Variants in AGMO observed in about 807,000 individuals in gnomAD.
AGMO encodes the protein alkylglycerol monooxygenase.
In AGMO, 75 loss-of-function variants were observed where a neutral mutation model predicts 60.2. That is an observed-to-expected ratio of 1.25 (90% CI 1.03 to 1.51). The LOEUF (loss-of-function observed/expected upper bound fraction) is 1.51. Ranked by LOEUF, AGMO falls within the 40% of genes most tolerant of loss-of-function variation. AGMO has a pLI of 0.00. For synonymous variants in AGMO, 261 were observed against 177.1 expected, an observed-to-expected ratio of 1.47 and a Z score of -3.76; for missense variants, 763 against 525.5, an observed-to-expected ratio of 1.45 and a Z score of -4.42.
At chr7:15,262,737 T>C (rs1336201732) in intron 12 of AGMO, among the ~76,000 whole-genome samples, 1 of 151,358 alleles carries the variant, frequency 6.6e-6, no homozygotes, top group Admixed American at 6.6e-5. Context: ...AATGGGCACA[T>C]ATATCAATGG....
chr7:15,462,125 A>G (rs184176188), intron 3 of AGMO, among the ~76,000 whole-genome samples: 1 of 152,234 alleles, frequency 6.6e-6, no homozygotes, highest in East Asian at 1.9e-4. Flanking sequence ...GGTCCATTTT[A>G]TCACCTACAT....
At chr7:15,558,700 T>C (rs1033953356) in intron 2 of AGMO, among the ~76,000 whole-genome samples, 2 of 152,140 alleles carry the variant, frequency 1.3e-5, no homozygotes, top group Non-Finnish European at 2.9e-5. Flanking sequence ...ATATTACTTC[T>C]ACTATATACC....
chr7:15,346,669 T>C (rs1450875909), intron 12 of AGMO, among the ~76,000 whole-genome samples: 1 of 151,790 alleles, frequency 6.6e-6, no homozygotes, highest in Admixed American at 6.6e-5. Flanking sequence ...CCAACCATTT[T>C]ATTTTAATCA....
At chr7:15,137,108 G>A in the AGMO span, among the ~76,000 whole-genome samples, 1 of 152,310 alleles carries the variant, frequency 6.6e-6, no homozygotes, top group Non-Finnish European at 1.5e-5. Context: ...GGTTATAGAA[G>A]CCTAGGTTCA....
intron 4 of AGMO, among the ~76,000 whole-genome samples, chr7:15,429,214 A>G (rs192347518): frequency 6.6e-6 from 1 of 152,084 alleles, no homozygotes; most frequent in Admixed American, 6.6e-5. Flanking sequence ...CCAAATTCAC[A>G]TGTTGAAATC....
chr7:15,201,266 A>C lies in AGMO; in HGVS notation c.*19T>G. On this transcript the variant is annotated 3_prime_UTR_variant, in exon 13 of 13. Transcript: ENST00000342526. ...TGTGGACAACTCATTAAAAGAAGAGAATTATGTACAAATTCAGGTTATTTC... is the reference window on the plus strand; with the variant it reads ...TGTGGACAACTCATTAAAAGAAGAGCATTATGTACAAATTCAGGTTATTTC... 6.3e-7 allele frequency: 1 copy of C among 1,577,106 alleles called. No individual in the cohort carries two copies.
intron 10 of AGMO, among the ~76,000 whole-genome samples, chr7:15,372,280 G>A (rs914938709): frequency 1.3e-4 from 20 of 151,726 alleles, no homozygotes; most frequent in East Asian, 3.9e-4. Flanking sequence ...GTGAAATCCC[G>A]TCTCTACTAA....
At chr7:15,358,006 G>T (rs578156735) in intron 12 of AGMO, among the ~76,000 whole-genome samples, 2 of 152,190 alleles carry the variant, frequency 1.3e-5, no homozygotes, top group Non-Finnish European at 2.9e-5. Flanking sequence ...AAGAACCCAT[G>T]AAAGTATGAA....
the AGMO span, among the ~76,000 whole-genome samples, chr7:15,176,953 A>C: frequency 6.6e-6 from 1 of 152,050 alleles, no homozygotes. Flanking sequence ...ACCACTGCTT[A>C]ATCACATGAC....
chr7:15,481,730 GC>G (rs1454881965), intron 3 of AGMO, among the ~76,000 whole-genome samples: 4 of 149,796 alleles, frequency 2.7e-5, no homozygotes, highest in African/African-American at 7.4e-5. Flanking sequence ...TTCAGGATCC[GC>G]CCATACAATT....
At chr7:15,389,725 A>T (rs1157121939) in intron 8 of AGMO, among the ~76,000 whole-genome samples, 1 of 152,190 alleles carries the variant, frequency 6.6e-6, no homozygotes, top group African/African-American at 2.4e-5. Context: ...ACTTTGGGTC[A>T]ATTATTTAAA....
At position 15,513,872 on chromosome 7, in the gene AGMO, C is replaced by T. The variant is rs34354438; in HGVS notation, c.409+30900G>A. 2.5e-3 allele frequency among the ~76,000 whole-genome samples: 388 copies of T among 152,276 alleles called. 5 individuals carry two copies. The highest frequency in any genetic ancestry group is 9.0e-3 in the African/African-American group (374 of 41,556). ...TTCTTCACTCTCTTTCAGGACTTCA[C>T]GCCACCACCCTTCTGTGATATTTTT... is the stretch of plus-strand genomic sequence containing the variant. On this transcript the variant is annotated intron_variant, in intron 3 of 12. Coordinates refer to ENST00000342526, the MANE Select transcript of AGMO (RefSeq NM_001004320.2).
intron 3 of AGMO, among the ~76,000 whole-genome samples, chr7:15,533,153 A>G (rs1784410003): frequency 6.6e-6 from 1 of 152,140 alleles, no homozygotes. Flanking sequence ...ATGTCTTTAG[A>G]GTCACTAAAA....
intron 3 of AGMO, among the ~76,000 whole-genome samples, chr7:15,521,986 C>G (rs1414608145): frequency 6.6e-6 from 1 of 152,130 alleles, no homozygotes; most frequent in African/African-American, 2.4e-5. Flanking sequence ...AGCTGATAAG[C>G]AAACTCAGCA....
intron 3 of AGMO, among the ~76,000 whole-genome samples, chr7:15,523,410 T>A (rs578195570): frequency 4.0e-4 from 61 of 152,234 alleles, no homozygotes; most frequent in Middle Eastern, 3.4e-3. Context: ...CTATTTACAA[T>A]AGCAAAGACT....
chr7:15,239,750 T>A (rs1412021229), intron 12 of AGMO, among the ~76,000 whole-genome samples: 1 of 152,128 alleles, frequency 6.6e-6, no homozygotes, highest in African/African-American at 2.4e-5. Context: ...AGGTGTTTCT[T>A]ATTATGTACA....
At chr7:15,381,158 C>G (rs1434516265) in intron 10 of AGMO, among the ~76,000 whole-genome samples, 1 of 152,014 alleles carries the variant, frequency 6.6e-6, no homozygotes, top group African/African-American at 2.4e-5. Flanking sequence ...ACAATTGCAA[C>G]AAAACCAAAA....
intron 3 of AGMO, among the ~76,000 whole-genome samples, chr7:15,512,359 C>T (rs923571252): frequency 2.6e-5 from 4 of 152,122 alleles, no homozygotes; most frequent in African/African-American, 9.7e-5. Flanking sequence ...CTCAAGTGAT[C>T]CTCCTGCCTC....
chr7:15,150,233 GTCATATCA>G, the AGMO span, among the ~76,000 whole-genome samples: 1 of 152,008 alleles, frequency 6.6e-6, no homozygotes, highest in Non-Finnish European at 1.5e-5. Flanking sequence ...TAGGTACAGA[GTCATATCA>G]TCTGTGAAGA....
Sources: gnomAD v4.1 joint callset for allele counts (sites outside exome capture counted in the v4.1 genomes callset) on GRCh38, gnomAD v4.1.1 for gene constraint, MANE v1.5 for transcripts, NCBI Gene and HGNC (gene_info 2026-07-23, HGNC 2026-07-21) for gene names.